Variants in ZNF562 observed in about 807,000 individuals in gnomAD.
ZNF562 encodes zinc finger protein 562.
Under a neutral mutation model 17.5 loss-of-function variants are expected in ZNF562, and 13 were observed. The ratio of observed to expected loss-of-function variants is 0.74; its 90% CI spans 0.48 to 1.18. The LOEUF is 1.18. ZNF562 is among the 50% of genes most tolerant of loss of function. The pLI, the probability that ZNF562 is intolerant of heterozygous loss-of-function variation, is 0.00. For synonymous variants in ZNF562, 163 were observed against 165.4 expected, an observed-to-expected ratio of 0.99 and a Z score of 0.11; for missense variants, 481 against 498.5, an observed-to-expected ratio of 0.96 and a Z score of 0.33.
chr19:9,654,802 C>G (rs1049447330), intron 5 of ZNF562, among the ~76,000 whole-genome samples: 5 of 152,068 alleles, frequency 3.3e-5, no homozygotes, highest in African/African-American at 1.2e-4. Context: ...TGGTCTCAAA[C>G]TCTACAAGAA....
At position 9,644,345 on chromosome 19, in the gene ZNF562, C is replaced by A. The variant is rs2074792681; in HGVS notation, c.*8604G>T. 1 of 152,068 alleles carries A rather than the reference C, an allele frequency of 6.6e-6. No homozygotes were observed. Among genetic ancestry groups the A allele is most frequent in the Non-Finnish European group, 1.5e-5 (1 of 68,036 alleles). 9.4% of individuals were successfully genotyped at this position (152,068 alleles called of 1,614,324 possible). On this transcript the variant is annotated 3_prime_UTR_variant, in exon 6 of 6. Coordinates refer to ENST00000453372, the MANE Select transcript of ZNF562 (RefSeq NM_001130031.2). The stretch of plus-strand genomic sequence containing the variant: ...GTGGCTCATGCTTGTAATCCCAGCA[C>A]TTTGGGAGGCCCAGAAGAGAGGATT...
At position 9,648,151 on chromosome 19, in the gene ZNF562, A is replaced by C. The variant is rs2074821965; in HGVS notation, c.*4798T>G. The C allele has an allele frequency of 6.6e-6, 1 of 152,196 alleles. No homozygotes were observed. The highest frequency in any genetic ancestry group is 1.5e-5 in the Non-Finnish European group (1 of 68,028). The allele number at this position is 152,196 out of a possible 1,614,324, so 9.4% of individuals were successfully genotyped here. On this transcript the variant is annotated 3_prime_UTR_variant, in exon 6 of 6. Transcript: ENST00000453372. The stretch of plus-strand genomic sequence containing the variant: ...ATCATTAAGGGACAATTTTTTAAAA[A>C]TCACAATGTTATTCAAACATAGCTC...
intron 1 of ZNF562, among the ~76,000 whole-genome samples, 172 bp from the exon 2 acceptor site, chr19:9,661,046 G>C (rs573310675): frequency 6.6e-6 from 1 of 152,192 alleles, no homozygotes; most frequent in African/African-American, 2.4e-5. Context: ...TTGAGGACTA[G>C]TATGTCAGAA....
At chr19:9,661,326 A>G (rs1034011014) in intron 1 of ZNF562, among the ~76,000 whole-genome samples, 3 of 151,842 alleles carry the variant, frequency 2.0e-5, no homozygotes, top group Admixed American at 6.6e-5. Flanking sequence ...TTATATTATT[A>G]TTATTATTTT....
intron 1 of ZNF562, among the ~76,000 whole-genome samples, chr19:9,669,487 A>C (rs1001997965): frequency 6.6e-6 from 1 of 152,138 alleles, no homozygotes; most frequent in Non-Finnish European, 1.5e-5. Flanking sequence ...TGAAAAGATA[A>C]TCCTTGTATG....
At chr19:9,663,984 A>G (rs1034913222) in intron 1 of ZNF562, among the ~76,000 whole-genome samples, 2 of 151,960 alleles carry the variant, frequency 1.3e-5, no homozygotes, top group African/African-American at 4.8e-5. Flanking sequence ...TGAACTCCTG[A>G]CCTCAGGTGA....
intron 1 of ZNF562, among the ~76,000 whole-genome samples, chr19:9,665,945 G>A (rs1252112619): frequency 2.0e-5 from 3 of 151,212 alleles, no homozygotes; most frequent in Admixed American, 6.6e-5. Context: ...GGAGGTAGAG[G>A]ATGCAGTAAG....
chr19:9,657,138 G>C (rs2144981498), intron 4 of ZNF562, among the ~76,000 whole-genome samples: 2 of 151,778 alleles, frequency 1.3e-5, no homozygotes, highest in Middle Eastern at 6.8e-3. Context: ...CAACTGATGT[G>C]TTTAGATAGT....
chr19:9,668,234 G>A (rs983327133), intron 1 of ZNF562, among the ~76,000 whole-genome samples: 1 of 151,834 alleles, frequency 6.6e-6, no homozygotes, highest in South Asian at 2.1e-4. Flanking sequence ...AATTAGCCAG[G>A]CATGATGGCA....
Position 9,653,346 on chromosome 19 carries a change from C to A in ZNF562, c.884G>T (p.Arg295Ile), listed in dbSNP as rs1241027917. 3 of 1,613,752 alleles carry A rather than the reference C, an allele frequency of 1.9e-6. No homozygotes were observed. Among genetic ancestry groups the A allele is most frequent in the African/African-American group, 2.7e-5 (2 of 74,912 alleles). ...EKSFECKECGRSFRNSSSFNV... is the reference protein window; with the variant it reads ...EKSFECKECGISFRNSSSFNV... ...AAAGGATGAGGAATTTCTAAAGGAT[C>A]TTCCACATTCTTTACATTCAAAGGA... Residue 295 changes from arginine to isoleucine, a missense_variant, in exon 6 of 6, where the codon AGA (arginine) becomes ATA (isoleucine). Around this residue, in one of 2 missense-constraint regions of ZNF562, gnomAD observed 403 missense variants for 386.4 expected, o/e 1.04. Coordinates refer to ENST00000453372, the MANE Select transcript of ZNF562 (RefSeq NM_001130031.2).
rs1291273895 is a variant in ZNF562, at chr19:9,642,487, G to A, written c.*10462C>T. The A allele has an allele frequency of 6.6e-6, 1 of 151,876 alleles. No homozygotes were observed. Among genetic ancestry groups the A allele is most frequent in the Non-Finnish European group, 1.5e-5 (1 of 67,990 alleles). 9.4% of individuals were successfully genotyped at this position (151,876 alleles called of 1,614,324 possible). A position where few individuals can be genotyped will look rare whatever the true frequency, so the allele number is the denominator to read the frequency against. On this transcript the variant is annotated 3_prime_UTR_variant, in exon 6 of 6. Coordinates refer to ENST00000453372, the MANE Select transcript of ZNF562 (RefSeq NM_001130031.2). ...AGAAGAGATCTCTCTATGTTGCCTA[G>A]GCTGCCCTCAAACTCCTGAGCTCAA... is the stretch of plus-strand genomic sequence containing the variant.
chr19:9,670,542 C>A (rs758833548), intron 1 of ZNF562, among the ~76,000 whole-genome samples: 158 of 152,222 alleles, frequency 1.0e-3, no homozygotes, highest in African/African-American at 3.2e-3. Context: ...CTGGATAGAA[C>A]TGGAGGTCAT....
chr19:9,655,709 T>TTTTCTTTC (rs1568263730), intron 5 of ZNF562, among the ~76,000 whole-genome samples: 2 of 136,660 alleles, frequency 1.5e-5, no homozygotes, highest in African/African-American at 5.9e-5. Context: ...ATTCACTTTC[T>TTTTCTTTC]TTTCTTTCTT....
At chr19:9,668,857 C>A (rs1014685161) in intron 1 of ZNF562, among the ~76,000 whole-genome samples, 1 of 151,946 alleles carries the variant, frequency 6.6e-6, no homozygotes, top group Non-Finnish European at 1.5e-5. Context: ...GCACCAAAAG[C>A]ATACAATGGG....
intron 1 of ZNF562, among the ~76,000 whole-genome samples, chr19:9,669,765 C>CACACACACACAT (rs2044108804): frequency 1.3e-5 from 2 of 151,228 alleles, no homozygotes; most frequent in African/African-American, 4.9e-5. Flanking sequence ...CACACACACA[C>CACACACACACAT]ACACACACAC....
At position 9,653,423 on chromosome 19, in the gene ZNF562, G is replaced by A. The variant is rs2074905043; in HGVS notation, c.807C>T (p.Phe269=). The change falls in exon 6 of 6, where the codon TTC becomes TTT. Residue 269 remains phenylalanine, a synonymous_variant. Coordinates refer to ENST00000453372, the MANE Select transcript of ZNF562 (RefSeq NM_001130031.2). ...GTGCAGAAAGTTGAGAAAAATTAGTGAAGGATTTCCCACAGTTCTTAGTCT... is the reference window on the plus strand; with the variant it reads ...GTGCAGAAAGTTGAGAAAAATTAGTAAAGGATTTCCCACAGTTCTTAGTCT... ...SEKTKNCGKS[F]TNFSQLSAHA... The A allele has an allele frequency of 6.2e-7, 1 of 1,614,090 alleles. No individual in the cohort carries two copies. The highest frequency in any genetic ancestry group is 1.7e-5 in the Admixed American group (1 of 59,988).
chr19:9,667,236 G>A lies in ZNF562; in HGVS notation c.-130-6362C>T, dbSNP rs571032552. ...ACATATGCAAATCAATAAATGTGAC[G>A]TACCAAATTAACAGAACCAAGAATA... On this transcript the variant is annotated intron_variant, in intron 1 of 5. Transcript: ENST00000453372. Among the ~76,000 whole-genome samples the A allele has an allele frequency of 1.7e-3, 266 of 152,264 alleles. 1 individual carries two copies. Among genetic ancestry groups the A allele is most frequent in the Non-Finnish European group, 2.8e-3 (190 of 68,008 alleles).
chr19:9,669,959 G>A (rs142933884), intron 1 of ZNF562, among the ~76,000 whole-genome samples: 1 of 152,058 alleles, frequency 6.6e-6, no homozygotes, highest in Admixed American at 6.6e-5. Flanking sequence ...CTACTCCAGA[G>A]GCTGAGGTAA....
chr19:9,668,371 C>A (rs918402360), intron 1 of ZNF562, among the ~76,000 whole-genome samples: 2 of 151,692 alleles, frequency 1.3e-5, no homozygotes, highest in Non-Finnish European at 2.9e-5. Flanking sequence ...AAAGTGAGAC[C>A]CCACCTCTGA....
Sources: allele counts gnomAD v4.1 joint callset (sites outside exome capture counted in the v4.1 genomes callset), GRCh38; gene constraint gnomAD v4.1.1; regional missense constraint gnomAD v4.1.1; transcripts MANE v1.5; gene names NCBI Gene and HGNC (gene_info 2026-07-23, HGNC 2026-07-21).